The following CEP112 variants were observed in gnomAD, a reference collection of about 807,000 sequenced individuals.
The protein encoded by CEP112 is centrosomal protein of 112 kDa.
Under a neutral mutation model 153.0 loss-of-function variants are expected in CEP112, and 127 were observed. That is an observed-to-expected ratio of 0.83 (90% CI 0.72 to 0.96). The LOEUF is 0.96. Ranked by LOEUF, CEP112 falls within the 40% of genes least tolerant of loss-of-function variation. The pLI is 0.00. For missense variants in CEP112, 1,089 were observed against 1,101.2 expected (o/e 0.99, Z 0.16); for synonymous variants, 358 against 374.4 (o/e 0.96, Z 0.51).
intron 19 of CEP112, among the ~76,000 whole-genome samples, chr17:65,902,580 T>C (rs1490371872): frequency 6.6e-6 from 1 of 151,866 alleles, no homozygotes; most frequent in Non-Finnish European, 1.5e-5. Context: ...GTCTGAACAT[T>C]GAAAAAAATT....
intron 12 of CEP112, among the ~76,000 whole-genome samples, chr17:66,031,742 G>A (rs1270672457): frequency 2.6e-5 from 4 of 151,844 alleles, no homozygotes; most frequent in Admixed American, 6.6e-5. Flanking sequence ...GATTACAGGC[G>A]TGTGCCACCA....
At chr17:66,019,434 A>G (rs2064908134) in intron 16 of CEP112, among the ~76,000 whole-genome samples, 2 of 152,220 alleles carry the variant, frequency 1.3e-5, no homozygotes, top group Non-Finnish European at 1.5e-5. Context: ...TGAGAGGGAT[A>G]TAAGACATCA....
chr17:66,038,109 AAAAAAG>A (rs1234779723), intron 12 of CEP112, among the ~76,000 whole-genome samples: 23 of 149,590 alleles, frequency 1.5e-4, no homozygotes, highest in African/African-American at 2.5e-4. Context: ...TCAAAAAAAA[AAAAAAG>A]AAAAGAAAAG....
At chr17:65,945,006 C>A (rs1435924707) in intron 18 of CEP112, among the ~76,000 whole-genome samples, 1 of 152,122 alleles carries the variant, frequency 6.6e-6, no homozygotes, top group African/African-American at 2.4e-5. Context: ...AAATTGAATA[C>A]CTCCATGTAA....
intron 21 of CEP112, among the ~76,000 whole-genome samples, chr17:65,791,846 C>A (rs2054608810): frequency 6.6e-6 from 1 of 152,004 alleles, no homozygotes; most frequent in Non-Finnish European, 1.5e-5. Flanking sequence ...AAATAAAATA[C>A]AATGAAATAT....
intron 8 of CEP112, among the ~76,000 whole-genome samples, chr17:66,077,056 A>T (rs2067529959): frequency 6.6e-6 from 1 of 152,180 alleles, no homozygotes; most frequent in South Asian, 2.1e-4. Context: ...TCTGAACAAC[A>T]GCCTTCAGTC....
chr17:65,935,472 T>TA (rs2061273607), intron 18 of CEP112, among the ~76,000 whole-genome samples: 1 of 152,152 alleles, frequency 6.6e-6, no homozygotes, highest in African/African-American at 2.4e-5. Flanking sequence ...AGAATACACT[T>TA]ATGTCTCAAG....
rs576482644 is a variant in CEP112, at chr17:65,825,214, G to T, written c.2394+26590C>A. ...TGAACTTGAAGACATTATGGTAAGTGAAATAAGTCAGTCATAAAAGAACTA... is the reference window on the plus strand; with the variant it reads ...TGAACTTGAAGACATTATGGTAAGTTAAATAAGTCAGTCATAAAAGAACTA... On this transcript the variant is annotated intron_variant, in intron 21 of 26. Transcript: ENST00000535342. 3.3e-5 allele frequency among the ~76,000 whole-genome samples: 5 copies of T among 152,328 alleles called. No individual in the cohort carries two copies. The East Asian group carries it at 9.6e-4, about 29-fold the overall frequency.
At chr17:65,801,015 T>A (rs1279696084) in intron 21 of CEP112, among the ~76,000 whole-genome samples, 1 of 152,192 alleles carries the variant, frequency 6.6e-6, no homozygotes, top group Non-Finnish European at 1.5e-5. Flanking sequence ...ATTAGGTTTT[T>A]ATCAGCTGGA....
intron 18 of CEP112, among the ~76,000 whole-genome samples, chr17:65,931,738 C>T (rs12185258): frequency 0.48 from 72,844 of 152,112 alleles, 18,445 homozygotes; most frequent in East Asian, 0.89. Context: ...GGCATACTTC[C>T]CCAGGCTCAG....
At chr17:66,182,870 A>G (rs1413600584) in intron 2 of CEP112, among the ~76,000 whole-genome samples, 1 of 152,232 alleles carries the variant, frequency 6.6e-6, no homozygotes, top group African/African-American at 2.4e-5. Flanking sequence ...TAGAAAGAAG[A>G]AAAATTTGCA....
chr17:65,664,427 T>G (rs990638375), intron 24 of CEP112, among the ~76,000 whole-genome samples: 1 of 152,044 alleles, frequency 6.6e-6, no homozygotes, highest in Admixed American at 6.5e-5. Context: ...AATAAGTGAG[T>G]GTGAGGCAGT....
chr17:66,154,332 T>C (rs2071341675), intron 4 of CEP112, among the ~76,000 whole-genome samples: 1 of 151,706 alleles, frequency 6.6e-6, no homozygotes, highest in African/African-American at 2.4e-5. Flanking sequence ...CTGGTTAACA[T>C]GGTGAAACCC....
At chr17:65,880,821 T>C (rs1432979819) in intron 20 of CEP112, among the ~76,000 whole-genome samples, 3 of 152,218 alleles carry the variant, frequency 2.0e-5, no homozygotes, top group African/African-American at 7.2e-5. Context: ...CAATAAAATC[T>C]TTTGATTGTT....
chr17:65,764,460 G>T (rs1473335001), intron 21 of CEP112, among the ~76,000 whole-genome samples: 1 of 152,190 alleles, frequency 6.6e-6, no homozygotes, highest in African/African-American at 2.4e-5. Context: ...GTGCTCTAAT[G>T]TCTAATATAT....
At chr17:66,180,443 C>T (rs78832573) in intron 2 of CEP112, among the ~76,000 whole-genome samples, 5,180 of 151,748 alleles carry the variant, frequency 0.034, 130 homozygotes, top group Middle Eastern at 0.062. Context: ...TTATGTAAAC[C>T]TTGAAAGAGA....
At chr17:65,861,454 G>A (rs1440678432) in intron 20 of CEP112, among the ~76,000 whole-genome samples, 1 of 152,106 alleles carries the variant, frequency 6.6e-6, no homozygotes, top group Non-Finnish European at 1.5e-5. Flanking sequence ...ACACAAGAAA[G>A]AGAATGAAAA....
At chr17:65,779,744 C>T (rs1294374819) in intron 21 of CEP112, among the ~76,000 whole-genome samples, 1 of 152,060 alleles carries the variant, frequency 6.6e-6, no homozygotes, top group African/African-American at 2.4e-5. Flanking sequence ...TTTGTCACTG[C>T]CTATTCATTT....
chr17:65,777,351 G>A (rs1462588816), intron 21 of CEP112, among the ~76,000 whole-genome samples: 1 of 152,130 alleles, frequency 6.6e-6, no homozygotes, highest in East Asian at 1.9e-4. Context: ...AGTTTTCTGT[G>A]ACTCACTGGT....
Sources: gnomAD v4.1 joint callset for allele counts (sites outside exome capture counted in the v4.1 genomes callset) on GRCh38, gnomAD v4.1.1 for gene constraint, MANE v1.5 for transcripts, NCBI Gene and HGNC (gene_info 2026-07-23, HGNC 2026-07-21) for gene names.